Variants in ESYT2 observed in about 807,000 individuals in gnomAD.
ESYT2 encodes extended synaptotagmin 2, also known as extended synaptotagmin-2.
ESYT2 carries 54 observed loss-of-function variants against 107.2 expected under a neutral mutation model. The ratio of observed to expected loss-of-function variants is 0.50; its 90% CI spans 0.40 to 0.63. The LOEUF (loss-of-function observed/expected upper bound fraction) is 0.63. ESYT2 is among the 30% of genes least tolerant of loss of function. ESYT2 has a pLI of 0.00. For synonymous variants in ESYT2, 491 were observed against 434.1 expected (o/e 1.13, Z -1.63); for missense variants, 1,020 against 1,094.5 (o/e 0.93, Z 0.96).
intron 6 of ESYT2, among the ~76,000 whole-genome samples, chr7:158,779,820 G>A (rs1338202515): frequency 1.3e-5 from 2 of 152,220 alleles, no homozygotes; most frequent in East Asian, 3.8e-4. Flanking sequence ...TAGCTACCTT[G>A]ACTCGGGTAT....
chr7:158,797,818 C>T (rs1334687811), intron 3 of ESYT2, 124 bp downstream of exon 3: 1 of 1,313,314 alleles, frequency 7.6e-7, no homozygotes, highest in African/African-American at 1.5e-5. Flanking sequence ...AGTGCCACTG[C>T]ACTCCAGCCT....
At chr7:158,808,493 T>C (rs1839898913) in intron 1 of ESYT2, among the ~76,000 whole-genome samples, 1 of 152,250 alleles carries the variant, frequency 6.6e-6, no homozygotes, top group East Asian at 1.9e-4. Flanking sequence ...CATTGAGTGC[T>C]TCCTTTAAGT....
intron 10 of ESYT2, among the ~76,000 whole-genome samples, chr7:158,762,222 A>G (rs778855216): frequency 1.3e-5 from 2 of 151,618 alleles, no homozygotes; most frequent in Non-Finnish European, 2.9e-5. Flanking sequence ...GCCCCCCACA[A>G]TCTATGTCTA....
chr7:158,770,739 T>A (rs1838335244), intron 7 of ESYT2, among the ~76,000 whole-genome samples: 1 of 152,070 alleles, frequency 6.6e-6, no homozygotes, highest in Non-Finnish European at 1.5e-5. Context: ...ATGGTCTCGA[T>A]CTCCTGACCT....
At chr7:158,826,865 C>T (rs1290493355) in intron 1 of ESYT2, among the ~76,000 whole-genome samples, 8 of 144,436 alleles carry the variant, frequency 5.5e-5, no homozygotes, top group Admixed American at 2.1e-4. Context: ...GCAGCAATTT[C>T]ATCTGTACAG....
In ESYT2 at chr7:158,829,247, G is replaced by A. The variant is rs1840558060; in HGVS notation, c.172C>T (p.Leu58Phe). 6 of 1,526,684 alleles carry A rather than the reference G, an allele frequency of 3.9e-6. No homozygotes were observed. The African/African-American group carries it at 5.7e-5, about 14-fold the overall frequency. 94.6% of individuals were successfully genotyped at this position (1,526,684 alleles called of 1,614,324 possible). Residue 58 changes from leucine (L) to phenylalanine (F), a missense_variant, in exon 1 of 23, where the codon CTC becomes TTC. Transcript: ENST00000275418. ...LPVYALGYLG[L>F]SFSWVLLALA... ...GCGAGGAGAACCCAGCTGAAGCTGA[G>A]CCCCAGGTAGCCCAGCGCGTACACG...
At chr7:158,819,600 A>C (rs1484963803) in intron 1 of ESYT2, among the ~76,000 whole-genome samples, 1 of 152,220 alleles carries the variant, frequency 6.6e-6, no homozygotes, top group Non-Finnish European at 1.5e-5. Flanking sequence ...ACATTAACAA[A>C]ATCCACGGAA....
Position 158,761,396 on chromosome 7 carries a change from G to C in ESYT2, c.1233+100C>G, listed in dbSNP as rs369682300. Reference sequence around the variant, plus strand: ...TTCATGCCATACTAATTAGGATTCCGGCACTGTGTGATGGTGAAGGGGTGG... The same window carrying C: ...TTCATGCCATACTAATTAGGATTCCCGCACTGTGTGATGGTGAAGGGGTGG... On this transcript the variant is annotated intron_variant, in intron 11 of 22. Coordinates refer to ENST00000275418, the MANE Select transcript of ESYT2 (RefSeq NM_001367773.1). 75 of 965,298 alleles carry C rather than the reference G, an allele frequency of 7.8e-5. No individual in the cohort carries two copies. In the African/African-American group the frequency reaches 1.1e-3, roughly 14 times the overall value. The allele number at this position is 965,298 out of a possible 1,614,324, so 59.8% of individuals were successfully genotyped here. A position where few individuals can be genotyped will look rare whatever the true frequency, so the allele number is the denominator to read the frequency against.
Position 158,732,717 on chromosome 7 carries a change from G to A in ESYT2, c.*1490C>T, listed in dbSNP as rs1217382096. ...CAGGCACTTTGGTTTGTTTGGTCAT[G>A]TGAGTTACCCACAAGTTGTATAGTT... On this transcript the variant is annotated 3_prime_UTR_variant, in exon 23 of 23. Transcript: ENST00000275418. The A allele has an allele frequency of 1.3e-5, 2 of 152,666 alleles. No individual in the cohort carries two copies. Among genetic ancestry groups the A allele is most frequent in the Non-Finnish European group, 2.9e-5 (2 of 68,052 alleles). The allele number at this position is 152,666 out of a possible 1,614,324, so 9.5% of individuals were successfully genotyped here.
At chr7:158,756,764 C>T (rs958876230) in intron 13 of ESYT2, among the ~76,000 whole-genome samples, 1 of 151,846 alleles carries the variant, frequency 6.6e-6, no homozygotes, top group African/African-American at 2.4e-5. Context: ...CAAAAATTAG[C>T]CAGGCGTCGT....
intron 10 of ESYT2, among the ~76,000 whole-genome samples, chr7:158,761,862 A>C (rs1837977190): frequency 6.6e-6 from 1 of 152,162 alleles, no homozygotes; most frequent in East Asian, 1.9e-4. Flanking sequence ...TCTTCCCTAC[A>C]ATGTTACATG....
At chr7:158,826,136 C>T (rs533379897) in intron 1 of ESYT2, among the ~76,000 whole-genome samples, 18 of 152,264 alleles carry the variant, frequency 1.2e-4, no homozygotes, top group African/African-American at 2.9e-4. Flanking sequence ...CCACCCCTGC[C>T]GCGCAGCAGA....
Position 158,829,440 on chromosome 7 carries a change from C to T in ESYT2, c.-22G>A. On this transcript the variant is annotated 5_prime_UTR_variant, in exon 1 of 23. Coordinates refer to ENST00000275418, the MANE Select transcript of ESYT2 (RefSeq NM_001367773.1). ...TCATCGCCCCGCAGTGCCGCGCTGC[C>T]CTCCCGGCCGAGGCGGGCTGGGTGC... 5.9e-6 allele frequency: 7 copies of T among 1,186,368 alleles called. No homozygotes were observed. Among genetic ancestry groups the T allele is most frequent in the Non-Finnish European group, 6.2e-6 (6 of 961,180 alleles). The allele number at this position is 1,186,368 out of a possible 1,614,324, so 73.5% of individuals were successfully genotyped here.
In ESYT2 at chr7:158,810,578, A is replaced by G. The variant is rs1418832330; in HGVS notation, c.331-11506T>C. 5.9e-5 allele frequency among the ~76,000 whole-genome samples: 9 copies of G among 152,218 alleles called. No individual in the cohort carries two copies. In the East Asian group the frequency reaches 1.7e-3, roughly 29 times the overall value. On this transcript the variant is annotated intron_variant, in intron 1 of 22. Transcript: ENST00000275418. ...ATGCCTGTGGTCCCAGCTGCTCAGG[A>G]GGCTGAGATGGCAGGATCACTTGAG...
chr7:158,756,139 A>C (rs1837748529), intron 13 of ESYT2, among the ~76,000 whole-genome samples: 1 of 152,258 alleles, frequency 6.6e-6, no homozygotes, highest in South Asian at 2.1e-4. Context: ...TTGGAAATAG[A>C]AATGAAAACT....
At chr7:158,764,914 G>C in intron 8 of ESYT2, 61 bp from the exon 9 acceptor site, 3 of 1,540,550 alleles carry the variant, frequency 1.9e-6, no homozygotes, top group Non-Finnish European at 1.8e-6. Flanking sequence ...TGGCATGGAA[G>C]ATAGCTACGC....
chr7:158,798,159 C>A (rs1839526356), intron 2 of ESYT2, 83 bp from the exon 3 acceptor site: 3 of 1,419,104 alleles, frequency 2.1e-6, no homozygotes, highest in South Asian at 1.3e-5. Flanking sequence ...ACCCTCGCAA[C>A]AGACCAAACC....
rs544255151 is a variant in ESYT2 at position 158,798,466 on chromosome 7, G to C, written c.373-390C>G. On this transcript the variant is annotated intron_variant, in intron 2 of 22. Coordinates refer to ENST00000275418, the MANE Select transcript of ESYT2 (RefSeq NM_001367773.1). ...GTTTGAGACCAGCCTGACCAACATG[G>C]AGAAACTCCATCTCTACTAAAAATA... Among the ~76,000 whole-genome samples the C allele has an allele frequency of 4.6e-5, 7 of 151,850 alleles. No homozygotes were observed. In the East Asian group the frequency reaches 1.2e-3, roughly 25 times the overall value.
Position 158,788,392 on chromosome 7 carries a change from A to T in ESYT2, c.610T>A (p.Leu204Met). 6.2e-7 allele frequency: 1 copy of T among 1,611,764 alleles called. No individual in the cohort carries two copies. The highest frequency in any genetic ancestry group is 1.1e-5 in the South Asian group (1 of 90,106). ...CTACAAAAATATCGTTTGATCTCCA[A>T]ATCAATCTCACAATTTCCTACAAAA... ...ISFVGNCEID[L>M]EIKRYFCRAG... The change falls in exon 5 of 23, where the codon TTG (leucine) becomes ATG (methionine). Residue 204 changes from leucine to methionine, a missense_variant. Coordinates refer to ENST00000275418, the MANE Select transcript of ESYT2 (RefSeq NM_001367773.1).
Sources: gnomAD v4.1 joint callset for allele counts (sites outside exome capture counted in the v4.1 genomes callset) on GRCh38, gnomAD v4.1.1 for gene constraint, MANE v1.5 for transcripts, NCBI Gene and HGNC (gene_info 2026-07-23, HGNC 2026-07-21) for gene names.